The following NOP14 variants were observed in gnomAD, a reference collection of about 807,000 sequenced individuals.
NOP14 encodes nucleolar protein 14.
NOP14 carries 57 observed loss-of-function variants against 101.6 expected under a neutral mutation model. The ratio of observed to expected loss-of-function variants is 0.56; its 90% CI spans 0.45 to 0.70. The LOEUF is 0.70. NOP14 is among the 30% of genes least tolerant of loss of function. The pLI is 0.00. For missense variants in NOP14, 1,134 were observed against 1,075.5 expected (o/e 1.05, Z -0.76); for synonymous variants, 428 against 424.0 (o/e 1.01, Z -0.12).
Position 2,952,187 on chromosome 4 carries a change from T to A in NOP14, c.870+88A>T, listed in dbSNP as rs1276241225. On this transcript the variant is annotated intron_variant, in intron 6 of 17. Transcript: ENST00000416614. ...AATATTCCACTGATCAAACAGAGTA[T>A]TCTCTTCAGCCCATCCTGCAAAATG... 13 of 1,367,878 alleles carry A rather than the reference T, an allele frequency of 9.5e-6. 1 individual carries two copies. The highest frequency in any genetic ancestry group is 1.1e-5 in the Non-Finnish European group (11 of 990,140). The allele number at this position is 1,367,878 out of a possible 1,614,324, so 84.7% of individuals were successfully genotyped here.
At chr4:2,955,401 C>T (rs1237149167) in intron 3 of NOP14, among the ~76,000 whole-genome samples, 2 of 125,158 alleles carry the variant, frequency 1.6e-5, no homozygotes, top group South Asian at 3.1e-4. Context: ...CTGCACGCCA[C>T]GGCGCCCCCT....
rs376246926 is a variant in NOP14, at chr4:2,942,192, C to T, written c.2051G>A (p.Arg684Gln). The T allele has an allele frequency of 3.2e-5, 52 of 1,613,438 alleles. No homozygotes were observed. The highest frequency in any genetic ancestry group is 4.1e-5 in the Non-Finnish European group (48 of 1,179,670). The change falls in exon 14 of 18, where the codon CGA (arginine) becomes CAA (glutamine). Residue 684 changes from arginine to glutamine, a missense_variant and splice_region_variant. By Grantham distance (43) the Arg-to-Gln change is conservative. Transcript: ENST00000416614. ...APTSTEANHI[R>Q]LSCLAVGLAL... is the part of the protein sequence containing the mutation. ...CCCAAAGCGGGGTCCCCTCACATACCGGATGTGATTGGCCTCTGTCGAAGT... is the reference window on the plus strand; with the variant it reads ...CCCAAAGCGGGGTCCCCTCACATACTGGATGTGATTGGCCTCTGTCGAAGT...
intron 13 of NOP14, 61 bp from the exon 14 acceptor site, chr4:2,942,412 C>A: frequency 6.5e-7 from 1 of 1,536,896 alleles, no homozygotes; most frequent in South Asian, 1.2e-5. Flanking sequence ...CCAGCAGGCT[C>A]TGCGGCACCG....
intron 6 of NOP14, 56 bp from the exon 7 acceptor site, chr4:2,951,301 G>T: frequency 6.4e-7 from 1 of 1,567,866 alleles, no homozygotes; most frequent in African/African-American, 1.3e-5. Context: ...TATGGTGAGG[G>T]GGCCGTGCAG....
rs1715216060 is a variant in NOP14 at position 2,954,489 on chromosome 4, G to A, written c.547C>T (p.Arg183Trp). The A allele has an allele frequency of 1.2e-6, 2 of 1,614,026 alleles. No individual in the cohort carries two copies. The highest frequency in any genetic ancestry group is 1.7e-6 in the Non-Finnish European group (2 of 1,179,940). ...TCTTTCCGGGACTTCGGTTTCTCCC[G>A]CTCCTCGCCTTCCTGTTGAGTCTTC... ...HKKTQQEGEE[R>W]EKPKSRKELI... Residue 183 changes from arginine to tryptophan, a missense_variant, in exon 4 of 18, where the codon CGG becomes TGG. Coordinates refer to ENST00000416614, the MANE Select transcript of NOP14 (RefSeq NM_001291978.2).
rs201020153 is a variant in NOP14 at position 2,944,243 on chromosome 4, G to T, written c.1738-17C>A. Reference sequence around the variant, plus strand: ...GATGGGGCACTGGAAAGGAACATATGGGGGGTTACTGTCCTGGGACGATGT... The same window carrying T: ...GATGGGGCACTGGAAAGGAACATATTGGGGGTTACTGTCCTGGGACGATGT... On this transcript the variant is annotated splice_polypyrimidine_tract_variant and intron_variant, in intron 12 of 17. Transcript: ENST00000416614. The T allele has an allele frequency of 3.8e-5, 61 of 1,606,918 alleles. No individual in the cohort carries two copies. The South Asian group carries it at 3.9e-4, about 10-fold the overall frequency.
At chr4:2,949,200 C>A (rs1208717808) in intron 8 of NOP14, among the ~76,000 whole-genome samples, 1 of 152,072 alleles carries the variant, frequency 6.6e-6, no homozygotes, top group African/African-American at 2.4e-5. Context: ...TAGAACCTGA[C>A]CATTTTTCTT....
At chr4:2,960,235 G>A (rs1016626831) in intron 1 of NOP14, among the ~76,000 whole-genome samples, 2 of 152,038 alleles carry the variant, frequency 1.3e-5, no homozygotes, top group African/African-American at 4.8e-5. Flanking sequence ...GCCTCCCAAA[G>A]TGCTAGGATC....
intron 1 of NOP14, among the ~76,000 whole-genome samples, chr4:2,957,989 A>C (rs1310672953): frequency 6.6e-6 from 1 of 152,212 alleles, no homozygotes; most frequent in Non-Finnish European, 1.5e-5. Context: ...GCCAAAAGGA[A>C]GGGTAAAAAA....
Position 2,938,759 on chromosome 4 carries a change from T to C in NOP14, c.*72A>G, listed in dbSNP as rs1232820290. On this transcript the variant is annotated 3_prime_UTR_variant, in exon 18 of 18. Coordinates refer to ENST00000416614, the MANE Select transcript of NOP14 (RefSeq NM_001291978.2). ...CTGGGCTGAAGCAATCTTCCTGCCT[T>C]GGCCTCCCAGAGGGTTGGAATTGCA... 7.8e-7 allele frequency: 1 copy of C among 1,274,000 alleles called. No homozygotes were observed. 78.9% of individuals were successfully genotyped at this position (1,274,000 alleles called of 1,614,324 possible).
chr4:2,947,686 G>A, intron 9 of NOP14, 75 bp from the exon 10 acceptor site: 2 of 1,207,088 alleles, frequency 1.7e-6, no homozygotes, highest in Non-Finnish European at 2.5e-6. Context: ...ACAGCTTCTG[G>A]ATCACGTACA....
chr4:2,951,278 C>T (rs1206100191), intron 6 of NOP14, 33 bp from the exon 7 acceptor site: 2 of 1,608,750 alleles, frequency 1.2e-6, no homozygotes, highest in Admixed American at 1.7e-5. Context: ...TCTTAGAGCA[C>T]ACTCTTCCAA....
rs145579628 is a variant in NOP14, at chr4:2,938,510, A to C, written c.*321T>G. 1,195 of 359,338 alleles carry C rather than the reference A, an allele frequency of 3.3e-3. 40 individuals carry two copies. The Admixed American group carries it at 0.043, about 13-fold the overall frequency. The allele number at this position is 359,338 out of a possible 1,614,324, so 22.3% of individuals were successfully genotyped here. A position where few individuals can be genotyped will look rare whatever the true frequency, so the allele number is the denominator to read the frequency against. On this transcript the variant is annotated 3_prime_UTR_variant, in exon 18 of 18. Coordinates refer to ENST00000416614, the MANE Select transcript of NOP14 (RefSeq NM_001291978.2). ...CAAGAGCAAAACTCCGTCTCAAAAA[A>C]AAAAATTTTTTTTTAAGCGACACAG... is the stretch of plus-strand genomic sequence containing the variant.
chr4:2,962,906 A>T (rs936509809), intron 1 of NOP14, among the ~76,000 whole-genome samples: 1 of 152,084 alleles, frequency 6.6e-6, no homozygotes, highest in Admixed American at 6.5e-5. Context: ...GGAGTCGCCG[A>T]AATAACACGA....
Position 2,951,225 on chromosome 4 carries a change from C to T in NOP14, c.891G>A (p.Met297Ile). Reference sequence around the variant, plus strand: ...CATTTTCATCCTCATCCTTTCCAAGCATTCTTCGAAGTCTCTCAGCCTGAG... The same window carrying T: ...CATTTTCATCCTCATCCTTTCCAAGTATTCTTCGAAGTCTCTCAGCCTGAG... Reference protein sequence around the residue: ...RKLEAERLRRMLGKDEDENVK... With the variant: ...RKLEAERLRRILGKDEDENVK... Residue 297 changes from methionine to isoleucine, a missense_variant, in exon 7 of 18, where the codon ATG (methionine) becomes ATA (isoleucine). Coordinates refer to ENST00000416614, the MANE Select transcript of NOP14 (RefSeq NM_001291978.2). 1 of 1,613,884 alleles carries T rather than the reference C, an allele frequency of 6.2e-7. No individual in the cohort carries two copies. Among genetic ancestry groups the T allele is most frequent in the Non-Finnish European group, 8.5e-7 (1 of 1,179,872 alleles).
rs930446943 is a variant in NOP14 at position 2,947,513 on chromosome 4, C to G, written c.1499+13G>C. The G allele has an allele frequency of 6.9e-6, 11 of 1,592,844 alleles. No individual in the cohort carries two copies. The highest frequency in any genetic ancestry group is 4.4e-5 in the South Asian group (4 of 90,640). ...TAACCCCACATCCCAGATGACACAC[C>G]ATTTTTACTTACACAACCAACTTAT... On this transcript the variant is annotated intron_variant, in intron 10 of 17. Coordinates refer to ENST00000416614, the MANE Select transcript of NOP14 (RefSeq NM_001291978.2).
At chr4:2,961,106 T>TAATAATATATTAATATTA (rs1560311836) in intron 1 of NOP14, among the ~76,000 whole-genome samples, 102 of 37,896 alleles carry the variant, frequency 2.7e-3, no homozygotes, top group African/African-American at 0.025. Flanking sequence ...TATTAATATT[T>TAATAATATATTAATATTA]TAATAATATA....
intron 1 of NOP14, among the ~76,000 whole-genome samples, chr4:2,959,515 C>T (rs960035615): frequency 6.6e-6 from 1 of 152,144 alleles, no homozygotes; most frequent in Non-Finnish European, 1.5e-5. Flanking sequence ...ATGGCGTGAA[C>T]CCGGGAAGTG....
chr4:2,951,029 T>A, intron 7 of NOP14, 85 bp downstream of exon 7: 1 of 1,271,324 alleles, frequency 7.9e-7, no homozygotes, highest in Non-Finnish European at 1.1e-6. Context: ...TTCCCAACTG[T>A]AATAAATCCC....
Sources: gnomAD v4.1 joint callset for allele counts (sites outside exome capture counted in the v4.1 genomes callset) on GRCh38, gnomAD v4.1.1 for gene constraint, MANE v1.5 for transcripts, NCBI Gene and HGNC (gene_info 2026-07-23, HGNC 2026-07-21) for gene names.